The following CARMIL1 variants were observed in gnomAD, a reference collection of about 807,000 sequenced individuals.
CARMIL1 encodes capping protein regulator and myosin 1 linker 1, also known as F-actin-uncapping protein LRRC16A.
CARMIL1 carries 90 observed loss-of-function variants against 177.1 expected under a neutral mutation model. The observed-to-expected ratio is 0.51, with a 90% CI of 0.43 to 0.61. The LOEUF (loss-of-function observed/expected upper bound fraction) is 0.61, where lower values mean the gene tolerates loss of function less well. CARMIL1 is among the 20% of genes least tolerant of loss of function. The pLI is 0.00. For missense variants in CARMIL1, 1,380 were observed against 1,667.0 expected (o/e 0.83, Z 3.00); for synonymous variants, 577 against 606.2 (o/e 0.95, Z 0.71).
At chr6:25,521,495 C>T (rs533456850) in intron 23 of CARMIL1, among the ~76,000 whole-genome samples, 4 of 152,150 alleles carry the variant, frequency 2.6e-5, no homozygotes, top group Non-Finnish European at 5.9e-5. Context: ...TGTGGATGGG[C>T]GCGATGGCTC....
chr6:25,404,483 G>T (rs369656849), intron 2 of CARMIL1, among the ~76,000 whole-genome samples: 69 of 152,286 alleles, frequency 4.5e-4, no homozygotes, highest in African/African-American at 1.6e-3. Context: ...GAGGCTGGGC[G>T]CGGTGGCTCA....
In CARMIL1 at chr6:25,525,537, T is replaced by A. The variant is rs1009327038; in HGVS notation, c.1969-3258T>A. Among the ~76,000 whole-genome samples the A allele has an allele frequency of 1.2e-3, 183 of 152,262 alleles. 1 individual carries two copies. Among genetic ancestry groups the A allele is most frequent in the African/African-American group, 4.3e-3 (178 of 41,552 alleles). The stretch of plus-strand genomic sequence containing the variant: ...ATATAGATTACAAATTGGATCTGCA[T>A]AAAGAAAGGAAGAGTATCAGAGGGA... On this transcript the variant is annotated intron_variant, in intron 23 of 36. Coordinates refer to ENST00000329474, the MANE Select transcript of CARMIL1 (RefSeq NM_017640.6).
intron 2 of CARMIL1, among the ~76,000 whole-genome samples, chr6:25,405,842 G>C (rs1398591985): frequency 6.6e-6 from 1 of 152,180 alleles, no homozygotes; most frequent in Non-Finnish European, 1.5e-5. Context: ...TGTCAATTAT[G>C]TGGTAGGCAG....
rs546409530 is a variant in CARMIL1, at chr6:25,612,264, G to T, written c.3979+2083G>T. ...GGTTGCCCAGAAATGGCAGCCACTT[G>T]TGAGTTCTATCTTTTTCTTTATAAA... On this transcript the variant is annotated intron_variant, in intron 36 of 36. Coordinates refer to ENST00000329474, the MANE Select transcript of CARMIL1 (RefSeq NM_017640.6). The T allele has an allele frequency of 2.6e-5, 4 of 152,346 alleles. No individual in the cohort carries two copies. The East Asian group carries it at 7.7e-4, about 29-fold the overall frequency. The allele number at this position is 152,346 out of a possible 1,614,324, so 9.4% of individuals were successfully genotyped here.
At chr6:25,586,404 A>G (rs369621233) in intron 31 of CARMIL1, among the ~76,000 whole-genome samples, 40 of 138,878 alleles carry the variant, frequency 2.9e-4, no homozygotes, top group East Asian at 1.1e-3. Context: ...ATGGGCGGCC[A>G]GGCAGAGACG....
chr6:25,347,590 G>C (rs1424196411), intron 2 of CARMIL1, among the ~76,000 whole-genome samples: 1 of 152,246 alleles, frequency 6.6e-6, no homozygotes, highest in Non-Finnish European at 1.5e-5. Flanking sequence ...ATGGTTCTTT[G>C]AATTTTTGAA....
chr6:25,508,752 A>G (rs939736894), intron 17 of CARMIL1, among the ~76,000 whole-genome samples: 4 of 148,476 alleles, frequency 2.7e-5, no homozygotes, highest in African/African-American at 5.0e-5. Context: ...TAGGTTTCCA[A>G]AAAATGATAG....
intron 8 of CARMIL1, among the ~76,000 whole-genome samples, chr6:25,454,117 CT>C (rs1362529531): frequency 2.0e-5 from 3 of 152,102 alleles, no homozygotes; most frequent in African/African-American, 7.2e-5. Flanking sequence ...TTACTAATTC[CT>C]TAGTTGGAGA....
At chr6:25,353,481 T>C (rs1340681115) in intron 2 of CARMIL1, among the ~76,000 whole-genome samples, 1 of 152,224 alleles carries the variant, frequency 6.6e-6, no homozygotes, top group Non-Finnish European at 1.5e-5. Flanking sequence ...TTTCTAGTCT[T>C]CAAACACAAG....
intron 2 of CARMIL1, among the ~76,000 whole-genome samples, chr6:25,404,443 G>A (rs1051281550): frequency 5.3e-5 from 8 of 152,212 alleles, no homozygotes; most frequent in African/African-American, 1.9e-4. Flanking sequence ...GCTGCCTTGG[G>A]AGGGGAGGTG....
chr6:25,363,677 T>C (rs544724638), intron 2 of CARMIL1, among the ~76,000 whole-genome samples: 38 of 152,334 alleles, frequency 2.5e-4, no homozygotes, highest in South Asian at 6.2e-4. Context: ...TTGACCAATA[T>C]GCAATTTATG....
chr6:25,541,814 C>T (rs1235633270), intron 26 of CARMIL1, among the ~76,000 whole-genome samples: 6 of 152,112 alleles, frequency 3.9e-5, no homozygotes, highest in South Asian at 2.1e-4. Flanking sequence ...CCACCACACC[C>T]GGCTAATTTT....
chr6:25,539,579 C>G (rs1488840822), intron 25 of CARMIL1, among the ~76,000 whole-genome samples: 3 of 131,204 alleles, frequency 2.3e-5, no homozygotes, highest in African/African-American at 5.9e-5. Flanking sequence ...GAGCTGAGAT[C>G]GCGCCATTGC....
At chr6:25,455,304 T>C (rs1034549891) in intron 8 of CARMIL1, among the ~76,000 whole-genome samples, 3 of 152,190 alleles carry the variant, frequency 2.0e-5, no homozygotes, top group African/African-American at 7.2e-5. Flanking sequence ...CTTTATTTTT[T>C]CATTCCACTT....
At chr6:25,437,914 A>G (rs1339107591) in intron 5 of CARMIL1, among the ~76,000 whole-genome samples, 1 of 152,078 alleles carries the variant, frequency 6.6e-6, no homozygotes, top group African/African-American at 2.4e-5. Context: ...CCCTGCTTCT[A>G]GTTCTTCTCT....
At chr6:25,357,290 A>C (rs1195188988) in intron 2 of CARMIL1, among the ~76,000 whole-genome samples, 1 of 152,220 alleles carries the variant, frequency 6.6e-6, no homozygotes, top group East Asian at 1.9e-4. Flanking sequence ...ACAAAAACTC[A>C]AAACAGTTGA....
intron 27 of CARMIL1, among the ~76,000 whole-genome samples, chr6:25,552,359 C>CT (rs1323163142): frequency 1.3e-5 from 2 of 152,050 alleles, no homozygotes; most frequent in Non-Finnish European, 2.9e-5. Context: ...GTATCAAATT[C>CT]TGTCAAATAT....
At chr6:25,532,954 T>C (rs1807917147) in intron 24 of CARMIL1, among the ~76,000 whole-genome samples, 1 of 152,130 alleles carries the variant, frequency 6.6e-6, no homozygotes, top group African/African-American at 2.4e-5. Context: ...ACTGTAGTTA[T>C]AAAAACAGGC....
chr6:25,311,284 TAAA>T (rs923920081), intron 2 of CARMIL1, among the ~76,000 whole-genome samples: 15 of 151,894 alleles, frequency 9.9e-5, no homozygotes, highest in African/African-American at 3.6e-4. Context: ...AATAATGAAA[TAAA>T]AAAGACACAG....
Sources: gnomAD v4.1 joint callset for allele counts (sites outside exome capture counted in the v4.1 genomes callset) on GRCh38, gnomAD v4.1.1 for gene constraint, MANE v1.5 for transcripts, NCBI Gene and HGNC (gene_info 2026-07-23, HGNC 2026-07-21) for gene names.